CNTNAP2: variants seen among roughly 807,000 people sequenced by gnomAD.
The protein encoded by CNTNAP2 is contactin associated protein 2.
In CNTNAP2, 98 loss-of-function variants were observed where a neutral mutation model predicts 155.2. The observed-to-expected ratio is 0.63, with a 90% CI of 0.54 to 0.75. The LOEUF (loss-of-function observed/expected upper bound fraction) is 0.75, where lower values mean the gene tolerates loss of function less well. CNTNAP2 is among the 30% of genes least tolerant of loss of function. The probability of loss-of-function intolerance (pLI) is 0.00; values close to 1 mark genes in which losing one functional copy is unlikely to be tolerated. For missense variants in CNTNAP2, 1,727 were observed against 1,688.1 expected (o/e 1.02, Z -0.40); for synonymous variants, 651 against 631.2 (o/e 1.03, Z -0.47).
chr7:147,326,007 C>T (rs532878241), intron 9 of CNTNAP2, among the ~76,000 whole-genome samples: 1 of 152,138 alleles, frequency 6.6e-6, no homozygotes, highest in Non-Finnish European at 1.5e-5. Flanking sequence ...ACTGCAAGCT[C>T]CACCTCCTGG....
In CNTNAP2 at chr7:147,325,805, G is replaced by A. The variant is rs573220488; in HGVS notation, c.1498+25515G>A. Among the ~76,000 whole-genome samples the A allele has an allele frequency of 1.2e-4, 19 of 152,260 alleles. No individual in the cohort carries two copies. The East Asian group carries it at 3.3e-3, about 26-fold the overall frequency. ...ATTAGGTACATTTACCTTGTTATAT[G>A]ACCATCATCACTATTGGTGTCTTCA... On this transcript the variant is annotated intron_variant, in intron 9 of 23. Coordinates refer to ENST00000361727, the MANE Select transcript of CNTNAP2 (RefSeq NM_014141.6).
At chr7:146,728,060 C>A (rs1398035173) in intron 1 of CNTNAP2, among the ~76,000 whole-genome samples, 1 of 152,162 alleles carries the variant, frequency 6.6e-6, no homozygotes, top group Non-Finnish European at 1.5e-5. Flanking sequence ...GCATCACGAG[C>A]ATGCTCAGGA....
chr7:147,077,640 G>T (rs1800022987), intron 4 of CNTNAP2, among the ~76,000 whole-genome samples: 1 of 152,122 alleles, frequency 6.6e-6, no homozygotes, highest in South Asian at 2.1e-4. Context: ...ACAGCCCAGT[G>T]GAGTGGTTGA....
chr7:146,732,491 A>AT (rs1311589902), intron 1 of CNTNAP2, among the ~76,000 whole-genome samples: 1 of 152,000 alleles, frequency 6.6e-6, no homozygotes. Context: ...TGCCTTCTTC[A>AT]TTTTTTTGTG....
intron 4 of CNTNAP2, among the ~76,000 whole-genome samples, chr7:147,103,521 T>C (rs1416458942): frequency 6.6e-6 from 1 of 152,110 alleles, no homozygotes; most frequent in Non-Finnish European, 1.5e-5. Context: ...ATAAACTATA[T>C]AGTATTCGAT....
rs191954285 is a variant in CNTNAP2 at position 146,421,584 on chromosome 7, T to A, written c.97+304611T>A. Among the ~76,000 whole-genome samples the A allele has an allele frequency of 2.9e-3, 443 of 152,084 alleles. 3 individuals are homozygous for A. The highest frequency in any genetic ancestry group is 0.01 in the African/African-American group (425 of 41,564). ...ATTGAACTATTAGACATCTACATAT[T>A]TTTTCATTTAAAGTTAATGATCTAA... On this transcript the variant is annotated intron_variant, in intron 1 of 23. Coordinates refer to ENST00000361727, the MANE Select transcript of CNTNAP2 (RefSeq NM_014141.6).
chr7:147,175,899 C>A (rs906851930), intron 8 of CNTNAP2, among the ~76,000 whole-genome samples: 2 of 152,196 alleles, frequency 1.3e-5, no homozygotes, highest in African/African-American at 4.8e-5. Flanking sequence ...CAAACTTCCC[C>A]CCTCTTTTCA....
chr7:146,265,459 T>TTC (rs1379444429), intron 1 of CNTNAP2, among the ~76,000 whole-genome samples: 2 of 147,218 alleles, frequency 1.4e-5, no homozygotes, highest in East Asian at 3.9e-4. Context: ...CTTTCTTTCT[T>TTC]TTTTTTTTTT....
At chr7:146,443,934 T>G (rs1796364161) in intron 1 of CNTNAP2, among the ~76,000 whole-genome samples, 1 of 152,242 alleles carries the variant, frequency 6.6e-6, no homozygotes, top group Non-Finnish European at 1.5e-5. Flanking sequence ...CAGTGTTCTG[T>G]ATACATTAGC....
chr7:146,463,280 A>T (rs574611055), intron 1 of CNTNAP2, among the ~76,000 whole-genome samples: 1 of 152,138 alleles, frequency 6.6e-6, no homozygotes, highest in Admixed American at 6.5e-5. Flanking sequence ...TGCCAGAATT[A>T]TGTGTACTGT....
At chr7:146,275,596 T>C (rs1341463118) in intron 1 of CNTNAP2, among the ~76,000 whole-genome samples, 1 of 152,216 alleles carries the variant, frequency 6.6e-6, no homozygotes, top group African/African-American at 2.4e-5. Flanking sequence ...TCACAAATTA[T>C]ATTAAACTTG....
chr7:148,375,614 C>T (rs1372805180), intron 21 of CNTNAP2, among the ~76,000 whole-genome samples: 2 of 151,196 alleles, frequency 1.3e-5, no homozygotes, highest in Non-Finnish European at 2.9e-5. Context: ...CTGCCTCGGC[C>T]TCCCAAAGTG....
chr7:147,703,172 T>A (rs1796261995), intron 13 of CNTNAP2, among the ~76,000 whole-genome samples: 1 of 152,112 alleles, frequency 6.6e-6, no homozygotes, highest in South Asian at 2.1e-4. Flanking sequence ...AACCTCCCCT[T>A]CCCATCGAGA....
intron 1 of CNTNAP2, among the ~76,000 whole-genome samples, chr7:146,222,816 C>A (rs191161718): frequency 6.6e-6 from 1 of 151,668 alleles, no homozygotes; most frequent in Admixed American, 6.6e-5. Context: ...CCACCACGCC[C>A]AGCTAATTTT....
At chr7:147,673,765 T>C (rs1795825322) in intron 13 of CNTNAP2, among the ~76,000 whole-genome samples, 1 of 152,176 alleles carries the variant, frequency 6.6e-6, no homozygotes. Context: ...GAAATGAGAC[T>C]GTGTTTTCTG....
intron 13 of CNTNAP2, among the ~76,000 whole-genome samples, chr7:147,881,782 C>T (rs1448115380): frequency 1.3e-5 from 2 of 152,066 alleles, no homozygotes; most frequent in African/African-American, 4.8e-5. Flanking sequence ...ACCAGCCTGG[C>T]CAACAACGGT....
intron 14 of CNTNAP2, among the ~76,000 whole-genome samples, chr7:147,958,296 A>G (rs1801054515): frequency 6.6e-6 from 1 of 152,182 alleles, no homozygotes; most frequent in African/African-American, 2.4e-5. Flanking sequence ...TAGAGAAAAA[A>G]TATTGCTTAA....
chr7:147,031,763 C>T (rs1249397745), intron 3 of CNTNAP2, among the ~76,000 whole-genome samples: 3 of 152,094 alleles, frequency 2.0e-5, no homozygotes, highest in Admixed American at 1.3e-4. Flanking sequence ...ACTAAAAATA[C>T]AAAAATTAGC....
intron 9 of CNTNAP2, among the ~76,000 whole-genome samples, chr7:147,366,802 CACACACACA>C (rs1176678440): frequency 7.0e-6 from 1 of 143,366 alleles, no homozygotes; most frequent in African/African-American, 2.5e-5. Flanking sequence ...CACACACACA[CACACACACA>C]CCCCAATGTT....
Sources: allele counts gnomAD v4.1 joint callset (sites outside exome capture counted in the v4.1 genomes callset), GRCh38; gene constraint gnomAD v4.1.1; transcripts MANE v1.5; gene names NCBI Gene and HGNC (gene_info 2026-07-23, HGNC 2026-07-21).